Variants in ACAD8 observed in about 807,000 individuals in gnomAD.
The protein encoded by ACAD8 is isobutyryl-CoA dehydrogenase, mitochondrial.
In ACAD8, 47 loss-of-function variants were observed where a neutral mutation model predicts 53.1. The ratio of observed to expected loss-of-function variants is 0.89; its 90% CI spans 0.70 to 1.13. The LOEUF (loss-of-function observed/expected upper bound fraction) is 1.13, where lower values mean the gene tolerates loss of function less well. Ranked by LOEUF, ACAD8 falls within the 50% of genes most tolerant of loss-of-function variation. ACAD8 has a pLI of 0.00. For synonymous variants in ACAD8, 198 were observed against 201.3 expected, an observed-to-expected ratio of 0.98 and a Z score of 0.14; for missense variants, 494 against 535.0, an observed-to-expected ratio of 0.92 and a Z score of 0.76.
In ACAD8 at chr11:134,259,616, C is replaced by T. The variant is rs796865354; in HGVS notation, c.576C>T (p.Ile192=). Residue 192 remains isoleucine, a synonymous_variant, in exon 6 of 11, where the codon ATC becomes ATT. Coordinates refer to ENST00000281182, the MANE Select transcript of ACAD8 (RefSeq NM_014384.3). ...HYILNGSKAF[I]SGAGESDIYV... is the part of the protein sequence containing the mutation. ...CCCTTTTACCCCCACAGGCCTTCAT[C>T]AGTGGTGCTGGTGAGTCAGACATCT... 3 of 1,614,158 alleles carry T rather than the reference C, an allele frequency of 1.9e-6. No individual in the cohort carries two copies. Among genetic ancestry groups the T allele is most frequent in the South Asian group, 2.2e-5 (2 of 91,084 alleles).
chr11:134,262,392 C>T, intron 9 of ACAD8, 128 bp from the exon 10 acceptor site: 1 of 693,268 alleles, frequency 1.4e-6, no homozygotes, highest in South Asian at 1.5e-5. Context: ...CCTCTTTGAG[C>T]TTGGCTGTTT....
intron 2 of ACAD8, 193 bp downstream of exon 2, chr11:134,256,841 A>C (rs1302498066): frequency 1.5e-6 from 1 of 663,890 alleles, no homozygotes; most frequent in Admixed American, 2.9e-5. Context: ...TTTTTTTGTT[A>C]GTTGAATAAA....
intron 3 of ACAD8, 66 bp downstream of exon 3, chr11:134,257,323 C>T (rs1939596849): frequency 3.2e-6 from 5 of 1,581,636 alleles, no homozygotes; most frequent in African/African-American, 1.3e-5. Context: ...AGTTCAGATT[C>T]GTAGGAAAAA....
intron 1 of ACAD8, among the ~76,000 whole-genome samples, chr11:134,253,920 C>T (rs1430354797): frequency 6.6e-6 from 1 of 151,038 alleles, no homozygotes; most frequent in Non-Finnish European, 1.5e-5. Context: ...GGGTCCCCAT[C>T]TGGCCCGTCA....
chr11:134,256,707 T>C (rs1275574620), intron 2 of ACAD8, 59 bp downstream of exon 2: 2 of 1,435,278 alleles, frequency 1.4e-6, no homozygotes, highest in Non-Finnish European at 1.9e-6. Context: ...CAGACCTTTA[T>C]CTTTGTCTCC....
intron 6 of ACAD8, 142 bp from the exon 7 acceptor site, chr11:134,260,902 C>T (rs1290324648): frequency 1.0e-6 from 1 of 967,594 alleles, no homozygotes; most frequent in Non-Finnish European, 1.6e-6. Context: ...TAAACCTGAA[C>T]TTTTTCTTTT....
At chr11:134,254,602 A>G (rs1296343185) in intron 1 of ACAD8, among the ~76,000 whole-genome samples, 3 of 152,224 alleles carry the variant, frequency 2.0e-5, no homozygotes. Context: ...TTTCTTCTGA[A>G]TGTCCTAAAA....
chr11:134,259,163 C>T (rs765410442), intron 5 of ACAD8, 79 bp downstream of exon 5: 43 of 1,315,792 alleles, frequency 3.3e-5, no homozygotes, highest in African/African-American at 2.3e-4. Context: ...CCTTCACATC[C>T]GCGGGTTAAT....
intron 10 of ACAD8, among the ~76,000 whole-genome samples, chr11:134,264,348 A>G (rs1940070882): frequency 6.6e-6 from 1 of 152,130 alleles, no homozygotes; most frequent in South Asian, 2.1e-4. Flanking sequence ...ATCTAAAAAC[A>G]ATACAAAAAA....
intron 9 of ACAD8, chr11:134,262,316 C>CT: frequency 1.5e-6 from 1 of 668,558 alleles, no homozygotes; most frequent in South Asian, 1.5e-5. Context: ...AGTCGCCTGT[C>CT]TGGGGGGAAC....
Position 134,261,023 on chromosome 11 carries a change from G to T in ACAD8, c.706-21G>T. 6.2e-7 allele frequency: 1 copy of T among 1,610,716 alleles called. No individual in the cohort carries two copies. Among genetic ancestry groups the T allele is most frequent in the Non-Finnish European group, 8.5e-7 (1 of 1,178,578 alleles). On this transcript the variant is annotated intron_variant, in intron 6 of 10. Coordinates refer to ENST00000281182, the MANE Select transcript of ACAD8 (RefSeq NM_014384.3). This position sits in a 1 kb window ranked among gnomAD's most constrained non-coding sequence, Gnocchi z 4.2. ...ACCTGCTGGATTGTTGGGCAACCAC[G>T]CAGTCCCTGATTTTTGCCAGGTGGG...
intron 1 of ACAD8, among the ~76,000 whole-genome samples, chr11:134,255,140 T>C (rs958841963): frequency 1.3e-5 from 2 of 152,166 alleles, no homozygotes; most frequent in African/African-American, 4.8e-5. Flanking sequence ...ATGGATCTTA[T>C]TTATTTATTT....
intron 10 of ACAD8, chr11:134,263,910 TTTC>T: frequency 1.0e-6 from 1 of 985,468 alleles, no homozygotes; most frequent in Non-Finnish European, 1.2e-6. Flanking sequence ...GGGGTTTATA[TTTC>T]TTTTTGCATT....
intron 1 of ACAD8, among the ~76,000 whole-genome samples, chr11:134,255,863 T>G (rs572331529): frequency 1.3e-4 from 20 of 152,192 alleles, no homozygotes; most frequent in Non-Finnish European, 2.9e-4. Context: ...TGAAGTAAAT[T>G]ATTGCCAAGT....
In ACAD8 at chr11:134,253,858, C is replaced by T. The variant is rs1160130655; in HGVS notation, c.109+149C>T. The T allele has an allele frequency of 2.5e-5, 22 of 867,736 alleles. 1 individual carries two copies. In the South Asian group the frequency reaches 3.1e-4, roughly 12 times the overall value. 53.8% of individuals were successfully genotyped at this position (867,736 alleles called of 1,614,324 possible). Reference sequence around the variant, plus strand: ...CACCCCCCCGGCCTGGCTCCCTACTCCGGCCGGTCACCCCCGGCCTGGCTG... The same window carrying T: ...CACCCCCCCGGCCTGGCTCCCTACTTCGGCCGGTCACCCCCGGCCTGGCTG... On this transcript the variant is annotated intron_variant, in intron 1 of 10. Coordinates refer to ENST00000281182, the MANE Select transcript of ACAD8 (RefSeq NM_014384.3).
At chr11:134,260,970 G>C in intron 6 of ACAD8, 74 bp from the exon 7 acceptor site, 1 of 1,567,484 alleles carries the variant, frequency 6.4e-7, no homozygotes, top group Non-Finnish European at 8.7e-7. Flanking sequence ...ATACCTCACA[G>C]GCTCCCGTCC....
At position 134,257,196 on chromosome 11, in the gene ACAD8, G is replaced by A. The variant is rs758621146; in HGVS notation, c.319G>A (p.Val107Ile). 6.2e-7 allele frequency: 1 copy of A among 1,614,166 alleles called. No individual in the cohort carries two copies. The highest frequency in any genetic ancestry group is 2.2e-5 in the East Asian group (1 of 44,878). The part of the protein sequence containing the change: ...GSGLSRLDTS[V>I]IFEALATGCT... Reference sequence around the variant, plus strand: ...TGGGCTGTCACGTCTTGATACCTCTGTCATTTTTGAAGCCTTGGCTACAGG... The same window carrying A: ...TGGGCTGTCACGTCTTGATACCTCTATCATTTTTGAAGCCTTGGCTACAGG... The change falls in exon 3 of 11, where the codon GTC becomes ATC. Residue 107 changes from valine to isoleucine, a missense_variant. Physicochemically the swap from Val to Ile is conservative, Grantham distance 29. Transcript: ENST00000281182.
chr11:134,262,325 A>T (rs775178893), intron 9 of ACAD8, 195 bp from the exon 10 acceptor site: 1 of 668,332 alleles, frequency 1.5e-6, no homozygotes, highest in South Asian at 1.5e-5. Context: ...TCTGGGGGGA[A>T]CTGACAAGTT....
At position 134,261,799 on chromosome 11, in the gene ACAD8, G is replaced by GC; in HGVS notation, c.1002dup (p.Asn335GlnfsTer27). On this transcript the variant is annotated frameshift_variant, in exon 9 of 11. Transcript: ENST00000281182. LOFTEE classifies it high-confidence loss of function. This position sits in a 1 kb window ranked among gnomAD's most constrained non-coding sequence, Gnocchi z 4.2. ...CTGGTGGCCGCGCGGCTGATGGTCCGCAATGCAGCAGTGGCTCTGCAGGAG... is the reference window on the plus strand; with the variant it reads ...CTGGTGGCCGCGCGGCTGATGGTCCGCCAATGCAGCAGTGGCTCTGCAGGAG... The GC allele has an allele frequency of 6.2e-7, 1 of 1,614,154 alleles. No individual in the cohort carries two copies.
Sources: allele counts gnomAD v4.1 joint callset (sites outside exome capture counted in the v4.1 genomes callset), GRCh38; gene constraint gnomAD v4.1.1; non-coding constraint Gnocchi (gnomAD v3.1); transcripts MANE v1.5; gene names NCBI Gene and HGNC (gene_info 2026-07-23, HGNC 2026-07-21).